Variants in PRKD1 observed in about 807,000 individuals in gnomAD.
The protein encoded by PRKD1 is serine/threonine-protein kinase D1.
A neutral mutation model predicts 95.9 loss-of-function variants in PRKD1; 63 were observed. The ratio of observed to expected loss-of-function variants is 0.66; its 90% CI spans 0.54 to 0.81. The LOEUF is 0.81. Ranked by LOEUF, PRKD1 falls within the 30% of genes least tolerant of loss-of-function variation. The pLI, the probability that PRKD1 is intolerant of heterozygous loss-of-function variation, is 0.00. For missense variants in PRKD1, 1,048 were observed against 1,165.3 expected (o/e 0.90, Z 1.47); for synonymous variants, 425 against 423.1 (o/e 1.00, Z -0.05).
intron 1 of PRKD1, among the ~76,000 whole-genome samples, chr14:29,904,015 T>C (rs1323793621): frequency 6.6e-6 from 1 of 152,166 alleles, no homozygotes; most frequent in Non-Finnish European, 1.5e-5. Context: ...TAACTGCCTC[T>C]TTTGAACCAA....
At chr14:29,652,542 C>A (rs1469829810) in intron 4 of PRKD1, among the ~76,000 whole-genome samples, 1 of 152,188 alleles carries the variant, frequency 6.6e-6, no homozygotes, top group Admixed American at 6.5e-5. Flanking sequence ...CCCAGAAACT[C>A]ACTACTGCAC....
intron 13 of PRKD1, among the ~76,000 whole-genome samples, chr14:29,612,704 CAT>C (rs1450703255): frequency 6.6e-6 from 1 of 152,014 alleles, no homozygotes; most frequent in Non-Finnish European, 1.5e-5. Flanking sequence ...CTATTTTAGA[CAT>C]ATATACATAA....
chr14:29,803,295 C>A (rs1890107242), intron 1 of PRKD1, among the ~76,000 whole-genome samples: 1 of 152,154 alleles, frequency 6.6e-6, no homozygotes, highest in Admixed American at 6.5e-5. Flanking sequence ...TGATGGCACA[C>A]AAGGTTCATA....
At chr14:29,845,687 C>T (rs984333889) in intron 1 of PRKD1, among the ~76,000 whole-genome samples, 5 of 152,112 alleles carry the variant, frequency 3.3e-5, no homozygotes, top group African/African-American at 1.2e-4. Context: ...ATTTGTAGTA[C>T]AATCATAGTT....
chr14:29,651,423 A>G (rs1370330496), intron 4 of PRKD1, among the ~76,000 whole-genome samples: 1 of 152,050 alleles, frequency 6.6e-6, no homozygotes, highest in East Asian at 1.9e-4. Context: ...CAACATCATC[A>G]CTCTTTTTGA....
intron 16 of PRKD1, among the ~76,000 whole-genome samples, chr14:29,588,133 GTCTT>G (rs2138976966): frequency 6.6e-6 from 1 of 152,268 alleles, no homozygotes; most frequent in South Asian, 2.1e-4. Context: ...AATGACAATT[GTCTT>G]TCTTTTGTTT....
chr14:29,802,150 A>T (rs1421887108), intron 1 of PRKD1, among the ~76,000 whole-genome samples: 1 of 152,114 alleles, frequency 6.6e-6, no homozygotes, highest in Non-Finnish European at 1.5e-5. Context: ...TAAATAAATG[A>T]AGAATGTAAA....
intron 1 of PRKD1, among the ~76,000 whole-genome samples, chr14:29,747,782 T>G (rs1175249008): frequency 1.3e-5 from 2 of 152,154 alleles, no homozygotes; most frequent in Non-Finnish European, 2.9e-5. Flanking sequence ...CTCACTCCAT[T>G]GTCCAGGCTG....
At chr14:29,707,292 C>G (rs1885138275) in intron 2 of PRKD1, among the ~76,000 whole-genome samples, 2 of 151,986 alleles carry the variant, frequency 1.3e-5, no homozygotes, top group Non-Finnish European at 2.9e-5. Context: ...GGCAAGGAAA[C>G]CAACAAGGAA....
chr14:29,837,128 A>G (rs1891640138), intron 1 of PRKD1, among the ~76,000 whole-genome samples: 1 of 152,210 alleles, frequency 6.6e-6, no homozygotes, highest in Non-Finnish European at 1.5e-5. Context: ...CCTCCACACC[A>G]TAAATAATTC....
At chr14:29,693,653 A>AC (rs201952850) in intron 2 of PRKD1, among the ~76,000 whole-genome samples, 14,679 of 146,716 alleles carry the variant, frequency 0.1, 1,639 homozygotes, top group African/African-American at 0.28. Flanking sequence ...AACAACAACA[A>AC]AAAAAAAAAA....
Position 29,777,583 on chromosome 14 carries a change from A to G in PRKD1, c.265-51909T>C, listed in dbSNP as rs192360054. On this transcript the variant is annotated intron_variant, in intron 1 of 17. Transcript: ENST00000331968. ...TAATGGTAAAGGGATCAATTCAACA[A>G]GAAGAGCTAACTATCCTAAATATAT... Among the ~76,000 whole-genome samples the G allele has an allele frequency of 7.1e-3, 1,083 of 152,362 alleles. 16 individuals are homozygous for G. Among genetic ancestry groups the G allele is most frequent in the African/African-American group, 0.024 (1,003 of 41,586 alleles).
intron 1 of PRKD1, among the ~76,000 whole-genome samples, chr14:29,916,822 C>T (rs1244826448): frequency 6.6e-6 from 1 of 152,116 alleles, no homozygotes; most frequent in Non-Finnish European, 1.5e-5. Context: ...ATCTCTTTTT[C>T]CCGTGGCAAA....
chr14:29,779,268 G>T (rs964284259), intron 1 of PRKD1, among the ~76,000 whole-genome samples: 1 of 152,138 alleles, frequency 6.6e-6, no homozygotes, highest in African/African-American at 2.4e-5. Context: ...ATTCAACATA[G>T]TGTTGGAAGT....
At chr14:29,724,215 A>G (rs1178623957) in intron 2 of PRKD1, among the ~76,000 whole-genome samples, 1 of 152,212 alleles carries the variant, frequency 6.6e-6, no homozygotes, top group Non-Finnish European at 1.5e-5. Flanking sequence ...AGAATAATAC[A>G]TTATATTTAG....
Position 29,577,314 on chromosome 14 carries a change from C to G in PRKD1, c.2663G>C (p.Ser888Thr). 6.2e-7 allele frequency: 1 copy of G among 1,613,834 alleles called. No individual in the cohort carries two copies. Among genetic ancestry groups the G allele is most frequent in the East Asian group, 2.2e-5 (1 of 44,860 alleles). Reference sequence around the variant, plus strand: ...CTCAGGAGTGTCACTGTGGCTAGCACTTGGATTGATCAGGTGTGTGGGGTA... The same window carrying G: ...CTCAGGAGTGTCACTGTGGCTAGCAGTTGGATTGATCAGGTGTGTGGGGTA... ...LQYPTHLINP[S>T]ASHSDTPETE... Residue 888 changes from serine to threonine, a missense_variant, in exon 18 of 18, where the codon AGT becomes ACT. Ser to Thr is a moderately conservative substitution (Grantham distance 58). Transcript: ENST00000331968.
intron 1 of PRKD1, among the ~76,000 whole-genome samples, chr14:29,779,228 A>G (rs887457988): frequency 6.6e-6 from 1 of 152,222 alleles, no homozygotes; most frequent in African/African-American, 2.4e-5. Context: ...AAACTGGCAC[A>G]AGACAGGGAT....
intron 1 of PRKD1, among the ~76,000 whole-genome samples, chr14:29,868,699 A>G (rs1432732264): frequency 6.6e-6 from 1 of 152,124 alleles, no homozygotes; most frequent in East Asian, 1.9e-4. Flanking sequence ...CAGCTTTTCA[A>G]AAAGACACAT....
rs774420985 is a variant in PRKD1 at position 29,638,677 on chromosome 14, G to A, written c.907+17C>T. On this transcript the variant is annotated intron_variant, in intron 5 of 17. Transcript: ENST00000331968. ...TGAGGGTGATCAAAGTTCGACAGGT[G>A]ACAAAATCATCCTTACCTTTGCACT... 36 of 1,613,158 alleles carry A rather than the reference G, an allele frequency of 2.2e-5. No individual in the cohort carries two copies. The Admixed American group carries it at 6.0e-4, about 27-fold the overall frequency.
Sources: gnomAD v4.1 joint callset for allele counts (sites outside exome capture counted in the v4.1 genomes callset) on GRCh38, gnomAD v4.1.1 for gene constraint, MANE v1.5 for transcripts, NCBI Gene and HGNC (gene_info 2026-07-23, HGNC 2026-07-21) for gene names.